METTL15: variants seen among roughly 807,000 people sequenced by gnomAD.
METTL15 encodes the protein methyltransferase 15, mitochondrial 12S rRNA N4-cytidine.
In METTL15, 34 loss-of-function variants were observed where a neutral mutation model predicts 38.3. That is an observed-to-expected ratio of 0.89 (90% CI 0.68 to 1.18). The LOEUF (loss-of-function observed/expected upper bound fraction) is 1.18. METTL15 is among the 50% of genes most tolerant of loss of function. METTL15 has a pLI of 0.00. For missense variants in METTL15, 438 were observed against 498.4 expected (o/e 0.88, Z 1.15); for synonymous variants, 162 against 170.9 (o/e 0.95, Z 0.41).
chr11:28,485,974 G>A (rs555167535), intron 6 of METTL15, among the ~76,000 whole-genome samples: 24 of 152,202 alleles, frequency 1.6e-4, no homozygotes, highest in Middle Eastern at 6.8e-3. Context: ...ATTAGGACCC[G>A]ACTCTTAAGA....
chr11:28,122,772 A>G (rs545178158), intron 3 of METTL15, among the ~76,000 whole-genome samples: 3 of 152,004 alleles, frequency 2.0e-5, no homozygotes, highest in East Asian at 3.9e-4. Context: ...TTGTGAAGCA[A>G]ATTATTACTA....
chr11:28,158,202 A>T (rs916447282), intron 3 of METTL15, among the ~76,000 whole-genome samples: 2 of 152,288 alleles, frequency 1.3e-5, no homozygotes, highest in South Asian at 2.1e-4. Flanking sequence ...CTGTGAAGAT[A>T]TTTGCATCTC....
Position 28,497,295 on chromosome 11 carries a change from C to T in METTL15, c.*425-29183C>T, listed in dbSNP as rs140846962. ...GCACAAATATTCTTAAATCTAATGA[C>T]GTGGTGCCACAACATAAATTCTCAA... On this transcript the variant is annotated intron_variant and NMD_transcript_variant, in intron 6 of 7. Coordinates refer to the METTL15 transcript ENST00000532947. Among the ~76,000 whole-genome samples the T allele has an allele frequency of 4.7e-4, 72 of 152,262 alleles. No homozygotes were observed. In the Middle Eastern group the frequency reaches 0.01, roughly 22 times the overall value.
chr11:28,197,166 A>G (rs2133813379), intron 3 of METTL15, among the ~76,000 whole-genome samples: 1 of 152,094 alleles, frequency 6.6e-6, no homozygotes, highest in African/African-American at 2.4e-5. Context: ...TAGTTCAGAT[A>G]TACAACGGTA....
chr11:28,428,476 A>G (rs915942026), intron 6 of METTL15, among the ~76,000 whole-genome samples: 11 of 152,262 alleles, frequency 7.2e-5, no homozygotes, highest in African/African-American at 2.2e-4. Flanking sequence ...TGTCTAGCAC[A>G]TATAATACAC....
intron 4 of METTL15, among the ~76,000 whole-genome samples, chr11:28,238,716 A>G (rs533032053): frequency 7.4e-4 from 112 of 152,300 alleles, no homozygotes; most frequent in African/African-American, 2.4e-3. Context: ...GCTGGGAGCT[A>G]TAGACCGGAG....
chr11:28,354,040 G>C (rs1474212123), intron 4 of METTL15, among the ~76,000 whole-genome samples: 1 of 152,086 alleles, frequency 6.6e-6, no homozygotes, highest in South Asian at 2.1e-4. Context: ...AGAGAAGCTG[G>C]ACATATCTCA....
intron 4 of METTL15, among the ~76,000 whole-genome samples, chr11:28,359,538 C>T (rs1463352891): frequency 6.6e-6 from 1 of 152,248 alleles, no homozygotes; most frequent in Non-Finnish European, 1.5e-5. Context: ...TCATTCCCAC[C>T]AACAGTATAT....
chr11:28,342,461 C>G (rs1439355829), intron 3 of METTL15, among the ~76,000 whole-genome samples: 2 of 150,558 alleles, frequency 1.3e-5, no homozygotes, highest in African/African-American at 4.9e-5. Flanking sequence ...CAGGGTTTCT[C>G]TATGTTGCCC....
chr11:28,171,771 C>G (rs760000599), intron 3 of METTL15, among the ~76,000 whole-genome samples: 1 of 150,282 alleles, frequency 6.7e-6, no homozygotes. Flanking sequence ...CCCTGCCCGC[C>G]GCCTCTCTCT....
At chr11:28,181,409 T>A (rs1196598765) in intron 3 of METTL15, among the ~76,000 whole-genome samples, 1 of 151,680 alleles carries the variant, frequency 6.6e-6, no homozygotes, top group Non-Finnish European at 1.5e-5. Context: ...CCTCCCCTAG[T>A]ACCTCACCCC....
At chr11:28,459,890 T>C (rs1851200025) in intron 6 of METTL15, among the ~76,000 whole-genome samples, 1 of 152,066 alleles carries the variant, frequency 6.6e-6, no homozygotes, top group South Asian at 2.1e-4. Context: ...GTAGAGAAAT[T>C]TCTTGTGGCT....
intron 5 of METTL15, among the ~76,000 whole-genome samples, chr11:28,415,884 G>A (rs927792116): frequency 6.6e-6 from 1 of 152,184 alleles, no homozygotes; most frequent in South Asian, 2.1e-4. Flanking sequence ...GTAGCTTACA[G>A]AATTTACAGG....
At chr11:28,193,556 A>G (rs896223012) in intron 3 of METTL15, among the ~76,000 whole-genome samples, 10 of 152,110 alleles carry the variant, frequency 6.6e-5, no homozygotes, top group African/African-American at 2.4e-4. Flanking sequence ...ACTAGGGATT[A>G]CAATTCAACA....
chr11:28,463,893 G>T (rs370595814), intron 6 of METTL15, among the ~76,000 whole-genome samples: 19 of 152,166 alleles, frequency 1.2e-4, no homozygotes, highest in African/African-American at 4.3e-4. Flanking sequence ...CTACCACTGG[G>T]TGGAACTAAA....
At chr11:28,158,924 G>A (rs888705720) in intron 3 of METTL15, among the ~76,000 whole-genome samples, 1 of 152,142 alleles carries the variant, frequency 6.6e-6, no homozygotes, top group Non-Finnish European at 1.5e-5. Context: ...CTCTGAATCA[G>A]CGTCCAATAT....
At chr11:28,190,083 A>G (rs897968844) in intron 3 of METTL15, among the ~76,000 whole-genome samples, 1 of 151,108 alleles carries the variant, frequency 6.6e-6, no homozygotes, top group African/African-American at 2.4e-5. Flanking sequence ...TTCTTGATCA[A>G]TAGTTGTTCA....
Position 28,424,102 on chromosome 11 carries a change from C to G in METTL15, c.*359-197C>G, listed in dbSNP as rs557858698. Among the ~76,000 whole-genome samples, 3 of 152,236 alleles carry G rather than the reference C, an allele frequency of 2.0e-5. No individual in the cohort carries two copies. The South Asian group carries it at 6.2e-4, about 32-fold the overall frequency. On this transcript the variant is annotated intron_variant and NMD_transcript_variant, in intron 5 of 7. Coordinates refer to the METTL15 transcript ENST00000532947. ...CTTTATACTGTTCAATATGTTCTCC[C>G]TACTGACATCTGCATTTGTCATTTT... is the stretch of plus-strand genomic sequence containing the variant.
At chr11:28,455,511 C>T (rs1199706475) in intron 6 of METTL15, among the ~76,000 whole-genome samples, 2 of 152,044 alleles carry the variant, frequency 1.3e-5, no homozygotes, top group Non-Finnish European at 2.9e-5. Context: ...TTTCATTCAG[C>T]CCTATTGAGG....
Sources: gnomAD v4.1 joint callset for allele counts (sites outside exome capture counted in the v4.1 genomes callset) on GRCh38, gnomAD v4.1.1 for gene constraint, MANE v1.5 for transcripts, NCBI Gene and HGNC (gene_info 2026-07-23, HGNC 2026-07-21) for gene names.